CFAP69: variants seen among roughly 807,000 people sequenced by gnomAD.
CFAP69 encodes the protein cilia and flagella associated protein 69.
A neutral mutation model predicts 123.0 loss-of-function variants in CFAP69; 92 were observed. The ratio of observed to expected loss-of-function variants is 0.75; its 90% CI spans 0.63 to 0.89. The LOEUF (loss-of-function observed/expected upper bound fraction) is 0.89, where lower values mean the gene tolerates loss of function less well. Among genes scored for constraint, CFAP69 ranks in the 40% least tolerant of loss-of-function variants. The probability of loss-of-function intolerance (pLI) is 0.00; values close to 1 mark genes in which losing one functional copy is unlikely to be tolerated. For synonymous variants in CFAP69, 380 were observed against 364.3 expected (o/e 1.04, Z -0.49); for missense variants, 1,067 against 1,096.9 (o/e 0.97, Z 0.39).
chr7:90,304,701 T>G (rs1793311610), intron 18 of CFAP69, 43 bp from the exon 19 acceptor site: 1 of 1,571,816 alleles, frequency 6.4e-7, no homozygotes, highest in African/African-American at 1.4e-5. Flanking sequence ...TTAGAATCAC[T>G]TGCTCTGCTA....
intron 15 of CFAP69, among the ~76,000 whole-genome samples, chr7:90,296,454 A>C (rs1421017707): frequency 1.3e-5 from 2 of 151,990 alleles, no homozygotes; most frequent in East Asian, 3.9e-4. Flanking sequence ...CAGGCTCCTG[A>C]ATAACTGGGA....
At chr7:90,319,688 G>A in the CFAP69 span, 1 of 398,390 alleles carries the variant, frequency 2.5e-6, no homozygotes, top group African/African-American at 2.1e-5. Context: ...GCATTAACCA[G>A]ATTGATCAGC....
At chr7:90,251,478 AG>A (rs1174581866) in intron 1 of CFAP69, among the ~76,000 whole-genome samples, 1 of 152,184 alleles carries the variant, frequency 6.6e-6, no homozygotes, top group East Asian at 1.9e-4. Context: ...ATTGCAGCAG[AG>A]GTTGTTGGCC....
At chr7:90,304,176 C>G (rs1254899937) in intron 18 of CFAP69, 70 bp downstream of exon 18, 9 of 1,420,428 alleles carry the variant, frequency 6.3e-6, no homozygotes, top group Non-Finnish European at 9.2e-7. Flanking sequence ...ACTTTGGAGA[C>G]AGTTTTTCAA....
chr7:90,309,249 T>A lies in CFAP69; in HGVS notation c.2551-14T>A. On this transcript the variant is annotated splice_polypyrimidine_tract_variant and intron_variant, in intron 21 of 22. Transcript: ENST00000389297. ...TAGCAATTAATATTTTCTTTCTAAT[T>A]TAAAAATCCTCAGAAAGCAAAAAGC... 1 of 1,277,982 alleles carries A rather than the reference T, an allele frequency of 7.8e-7. No homozygotes were observed. Among genetic ancestry groups the A allele is most frequent in the Non-Finnish European group, 1.1e-6 (1 of 916,538 alleles). 79.2% of individuals were successfully genotyped at this position (1,277,982 alleles called of 1,614,324 possible). A position where few individuals can be genotyped will look rare whatever the true frequency, so the allele number is the denominator to read the frequency against.
intron 17 of CFAP69, chr7:90,301,352 G>A (rs1050555474): frequency 9.9e-5 from 15 of 151,866 alleles, no homozygotes; most frequent in African/African-American, 3.6e-4. Flanking sequence ...TTTAGGTTCA[G>A]GGGTACACAT....
chr7:90,248,017 T>C (rs1283368602), intron 1 of CFAP69, among the ~76,000 whole-genome samples: 2 of 152,224 alleles, frequency 1.3e-5, no homozygotes, highest in African/African-American at 4.8e-5. Flanking sequence ...TAAAGTTATT[T>C]GGGCCTTAAA....
At position 90,248,280 on chromosome 7, in the gene CFAP69, C is replaced by A. The variant is rs188321572; in HGVS notation, c.120+2736C>A. Reference sequence around the variant, plus strand: ...AAATTGAACCTTTCAGTTACCCTAACCTTAGTTTTTAGTAATTAAAGAAAT... The same window carrying A: ...AAATTGAACCTTTCAGTTACCCTAAACTTAGTTTTTAGTAATTAAAGAAAT... On this transcript the variant is annotated intron_variant, in intron 1 of 22. Transcript: ENST00000389297. Among the ~76,000 whole-genome samples, 6 of 152,308 alleles carry A rather than the reference C, an allele frequency of 3.9e-5. No individual in the cohort carries two copies. In the East Asian group the frequency reaches 7.7e-4, roughly 20 times the overall value.
At chr7:90,263,299 T>C (rs1286119959) in intron 4 of CFAP69, among the ~76,000 whole-genome samples, 1 of 152,204 alleles carries the variant, frequency 6.6e-6, no homozygotes, top group African/African-American at 2.4e-5. Flanking sequence ...TATGTCTAGA[T>C]AACTTCTCTA....
rs765463828 is a variant in CFAP69, at chr7:90,245,408, C to CCCCG, written c.-14_-11dup. ...GACAGGAAGATCCCCCCACTCTCCA[C>CCCCG]CCCGCCGCCACCGGCCATGTGGACA... On this transcript the variant is annotated 5_prime_UTR_variant, in exon 1 of 23. Transcript: ENST00000389297. The CCCCG allele has an allele frequency of 1.3e-6, 2 of 1,537,752 alleles. No homozygotes were observed. Among genetic ancestry groups the CCCCG allele is most frequent in the Non-Finnish European group, 1.7e-6 (2 of 1,144,056 alleles).
chr7:90,286,955 G>A (rs1414787699), intron 14 of CFAP69, among the ~76,000 whole-genome samples: 3 of 151,052 alleles, frequency 2.0e-5, no homozygotes, highest in Admixed American at 6.6e-5. Context: ...AGGCGTTGTG[G>A]TGTGCGCCTG....
intron 12 of CFAP69, among the ~76,000 whole-genome samples, chr7:90,280,136 G>GTAT (rs1789248975): frequency 6.6e-6 from 1 of 152,074 alleles, no homozygotes; most frequent in South Asian, 2.1e-4. Context: ...TTGAATTTTT[G>GTAT]TATTATTAGA....
chr7:90,262,539 A>G (rs1798471968), intron 4 of CFAP69, among the ~76,000 whole-genome samples: 1 of 152,144 alleles, frequency 6.6e-6, no homozygotes, highest in South Asian at 2.1e-4. Flanking sequence ...TAAGTTAGAG[A>G]TAAGAATTGT....
chr7:90,304,869 A>C (rs1253285867), intron 19 of CFAP69, 49 bp downstream of exon 19: 2 of 1,151,746 alleles, frequency 1.7e-6, no homozygotes, highest in Non-Finnish European at 2.5e-6. Flanking sequence ...ATAGCAAAAA[A>C]TTAACTGGAA....
intron 21 of CFAP69, among the ~76,000 whole-genome samples, 181 bp from the exon 22 acceptor site, chr7:90,309,082 A>T (rs1279602477): frequency 6.6e-6 from 1 of 152,170 alleles, no homozygotes; most frequent in Non-Finnish European, 1.5e-5. Flanking sequence ...TTCAATGTGC[A>T]AAGTATCTAA....
At chr7:90,259,328 A>T (rs1245141039) in intron 3 of CFAP69, among the ~76,000 whole-genome samples, 1 of 152,170 alleles carries the variant, frequency 6.6e-6, no homozygotes, top group East Asian at 1.9e-4. Flanking sequence ...AGGATTGCTG[A>T]AACCCAGGAA....
chr7:90,308,481 A>T (rs1334556386), intron 21 of CFAP69, among the ~76,000 whole-genome samples: 1 of 152,138 alleles, frequency 6.6e-6, no homozygotes. Flanking sequence ...CTTTTTAAAA[A>T]ATCTCTCCTT....
intron 21 of CFAP69, among the ~76,000 whole-genome samples, chr7:90,308,669 C>T (rs1242399955): frequency 2.6e-5 from 4 of 152,144 alleles, no homozygotes; most frequent in Admixed American, 2.0e-4. Context: ...GAAAGTTCTT[C>T]CCAATTCTAC....
At chr7:90,273,761 A>G (rs1051542921) in intron 8 of CFAP69, among the ~76,000 whole-genome samples, 9 of 152,054 alleles carry the variant, frequency 5.9e-5, no homozygotes, top group Non-Finnish European at 8.8e-5. Context: ...TGGGTTGCAT[A>G]CTGCTGATCT....
Sources: gnomAD v4.1 joint callset for allele counts (sites outside exome capture counted in the v4.1 genomes callset) on GRCh38, gnomAD v4.1.1 for gene constraint, MANE v1.5 for transcripts, NCBI Gene and HGNC (gene_info 2026-07-23, HGNC 2026-07-21) for gene names.